The following SMARCA2 variants were observed in gnomAD, a reference collection of about 807,000 sequenced individuals.
The protein encoded by SMARCA2 is SWI/SNF related BAF chromatin remodeling complex subunit ATPase 2, also known as SWI/SNF-related matrix-associated actin-dependent regulator of chromatin subfamily A member 2.
SMARCA2 carries 61 observed loss-of-function variants against 199.8 expected under a neutral mutation model. That is an observed-to-expected ratio of 0.31 (90% CI 0.25 to 0.38). The LOEUF is 0.38. Ranked by LOEUF, SMARCA2 falls within the 10% of genes least tolerant of loss-of-function variation. The probability of loss-of-function intolerance (pLI) is 1.00; values close to 1 mark genes in which losing one functional copy is unlikely to be tolerated. For synonymous variants in SMARCA2, 935 were observed against 732.0 expected (o/e 1.28, Z -4.48); for missense variants, 1,344 against 2,012.2 (o/e 0.67, Z 6.35).
intron 3 of SMARCA2, among the ~76,000 whole-genome samples, chr9:2,034,582 C>T (rs2130214559): frequency 6.6e-6 from 1 of 152,258 alleles, no homozygotes; most frequent in East Asian, 1.9e-4. Flanking sequence ...ATGGTTTATG[C>T]GTTGCTATAT....
chr9:2,109,143 C>G (rs1748045373), intron 23 of SMARCA2, among the ~76,000 whole-genome samples: 1 of 152,116 alleles, frequency 6.6e-6, no homozygotes, highest in African/African-American at 2.4e-5. Context: ...ATGTTTTAAT[C>G]CTCTGAAATA....
rs181688602 is a variant in SMARCA2 at position 2,111,655 on chromosome 9, G to A, written c.3456+1238G>A. 1.9e-3 allele frequency among the ~76,000 whole-genome samples: 292 copies of A among 152,154 alleles called. 3 individuals carry two copies. In the South Asian group the frequency reaches 0.024, roughly 12 times the overall value. On this transcript the variant is annotated intron_variant, in intron 24 of 33. Coordinates refer to ENST00000349721, the MANE Select transcript of SMARCA2 (RefSeq NM_003070.5). ...AGACTGAGTGGCAGTGCCATATAGC[G>A]TCACTTTTGGCAGGAAATCACATTC...
In SMARCA2 at chr9:2,169,458, T is replaced by G. The variant is rs1826120241; in HGVS notation, c.4200-961T>G. 6.6e-6 allele frequency among the ~76,000 whole-genome samples: 1 copy of G among 152,162 alleles called. No homozygotes were observed. Reference sequence around the variant, plus strand: ...GCACCCCTCCCAGCTCTCCTTATATTTCAGACATTCCAAAGAATTCTGTGT... The same window carrying G: ...GCACCCCTCCCAGCTCTCCTTATATGTCAGACATTCCAAAGAATTCTGTGT... On this transcript the variant is annotated intron_variant, in intron 28 of 33. Coordinates refer to ENST00000349721, the MANE Select transcript of SMARCA2 (RefSeq NM_003070.5). This position sits in a 1 kb window ranked among gnomAD's most constrained non-coding sequence, Gnocchi z 6.5.
chr9:2,089,840 G>T (rs532032666), intron 19 of SMARCA2, among the ~76,000 whole-genome samples: 16 of 152,130 alleles, frequency 1.1e-4, no homozygotes, highest in African/African-American at 3.6e-4. Context: ...ATACAGTTAC[G>T]GTGATTCTGC....
At chr9:2,038,501 A>T (rs1819430946) in intron 3 of SMARCA2, among the ~76,000 whole-genome samples, 1 of 152,182 alleles carries the variant, frequency 6.6e-6, no homozygotes, top group Non-Finnish European at 1.5e-5. Context: ...CATTAGTCAT[A>T]ACCAGTGGCT....
chr9:2,060,798 C>T lies in SMARCA2; in HGVS notation c.1522-18C>T, dbSNP rs777964357. 3.1e-6 allele frequency: 5 copies of T among 1,611,724 alleles called. No individual in the cohort carries two copies. The highest frequency in any genetic ancestry group is 4.2e-6 in the Non-Finnish European group (5 of 1,178,342). On this transcript the variant is annotated intron_variant, in intron 8 of 33. Coordinates refer to ENST00000349721, the MANE Select transcript of SMARCA2 (RefSeq NM_003070.5). ...ACGCTTATATTATGCTCTCATCCTG[C>T]TCTTCTTTCCTTAATAGGCTGAAGA...
chr9:2,135,160 A>T (rs988877579), intron 27 of SMARCA2, among the ~76,000 whole-genome samples: 8 of 152,218 alleles, frequency 5.3e-5, no homozygotes, highest in African/African-American at 4.8e-5. Context: ...ATCCTGGATT[A>T]CGAAGACCTG....
intron 31 of SMARCA2, 109 bp downstream of exon 31, chr9:2,182,351 G>A: frequency 1.5e-6 from 1 of 685,622 alleles, no homozygotes; most frequent in Middle Eastern, 2.6e-4. Flanking sequence ...ACTGGCAGAA[G>A]AAAAATAACT....
chr9:2,119,639 A>G lies in SMARCA2; in HGVS notation c.3762+104A>G, dbSNP rs1691327997. Reference sequence around the variant, plus strand: ...GCGTGCCTGGCAGAACTTCATACGTAAAGCCTATGCCTTTCCTTCAGTTCA... The same window carrying G: ...GCGTGCCTGGCAGAACTTCATACGTGAAGCCTATGCCTTTCCTTCAGTTCA... On this transcript the variant is annotated intron_variant, in intron 26 of 33. Coordinates refer to ENST00000349721, the MANE Select transcript of SMARCA2 (RefSeq NM_003070.5). This position sits in a 1 kb window ranked among gnomAD's most constrained non-coding sequence, Gnocchi z 4.6. 1.3e-6 allele frequency: 1 copy of G among 751,326 alleles called. No individual in the cohort carries two copies. The highest frequency in any genetic ancestry group is 2.3e-6 in the Non-Finnish European group (1 of 431,352). The allele number at this position is 751,326 out of a possible 1,614,324, so 46.5% of individuals were successfully genotyped here.
rs1827439673 is a variant in SMARCA2, at chr9:2,186,197, A to T, written c.4563A>T (p.Glu1521Asp). The change falls in exon 32 of 34, where the codon GAA becomes GAT. Residue 1521 changes from glutamate to aspartate, a missense_variant. By Grantham distance (45) the Glu-to-Asp change is conservative. This residue lies in a region of SMARCA2 where 155 missense variants were observed against 121.1 expected (regional missense o/e 1.28). Transcript: ENST00000349721. ...AGGATGAAAGCAATGAAGAGGAGGA[A>T]GAGGAAGATGAAGAAGAGTCAGAGT... Reference protein sequence around the residue: ...ESEDESNEEEEEEDEEESESE... With the variant: ...ESEDESNEEEDEEDEEESESE... The T allele has an allele frequency of 6.2e-7, 1 of 1,613,936 alleles. No homozygotes were observed. The highest frequency in any genetic ancestry group is 8.5e-7 in the Non-Finnish European group (1 of 1,179,912).
At chr9:2,069,649 AC>A (rs573306583) in intron 9 of SMARCA2, among the ~76,000 whole-genome samples, 93 of 152,340 alleles carry the variant, frequency 6.1e-4, no homozygotes, top group African/African-American at 2.1e-3. Context: ...TGGTAGAAAT[AC>A]TATATGTTAT....
rs745659257 is a variant in SMARCA2 at position 2,101,557 on chromosome 9, C to A, written c.3079-13C>A. 1 of 1,416,524 alleles carries A rather than the reference C, an allele frequency of 7.1e-7. No homozygotes were observed. Among genetic ancestry groups the A allele is most frequent in the Non-Finnish European group, 9.8e-7 (1 of 1,025,256 alleles). 87.7% of individuals were successfully genotyped at this position (1,416,524 alleles called of 1,614,324 possible). On this transcript the variant is annotated splice_polypyrimidine_tract_variant and intron_variant, in intron 21 of 33. Coordinates refer to ENST00000349721, the MANE Select transcript of SMARCA2 (RefSeq NM_003070.5). ...TTTTTTAAAATCATTCTTTCTATCT[C>A]TCTCTTTTAAAGGAATCCTTTGCTG...
intron 7 of SMARCA2, 107 bp from the exon 8 acceptor site, chr9:2,058,184 A>G (rs1416940454): frequency 3.2e-6 from 3 of 932,510 alleles, no homozygotes; most frequent in Admixed American, 1.9e-5. Flanking sequence ...TAGTCTTCCT[A>G]TGCTGTTAAA....
At chr9:2,153,688 T>C (rs561114593) in intron 27 of SMARCA2, among the ~76,000 whole-genome samples, 1 of 152,246 alleles carries the variant, frequency 6.6e-6, no homozygotes, top group African/African-American at 2.4e-5. Context: ...CATGTATGAG[T>C]TTTTAATGTT....
chr9:2,069,537 C>A (rs545403643), intron 9 of SMARCA2, among the ~76,000 whole-genome samples: 1 of 147,744 alleles, frequency 6.8e-6, no homozygotes, highest in Non-Finnish European at 1.5e-5. Context: ...CCAGCCTGGG[C>A]GACAGAGCAA....
In SMARCA2 at chr9:2,170,306, AG is replaced by A; in HGVS notation, c.4200-111del. 7.7e-7 allele frequency: 1 copy of A among 1,293,144 alleles called. No individual in the cohort carries two copies. The highest frequency in any genetic ancestry group is 2.5e-5 in the East Asian group (1 of 40,392). The allele number at this position is 1,293,144 out of a possible 1,614,324, so 80.1% of individuals were successfully genotyped here. ...CCCCGTGTAATCTTCCTAACAAGGC[AG>A]GTTGGTGAGGAGACTGAGGCTTGGC... On this transcript the variant is annotated intron_variant, in intron 28 of 33. Transcript: ENST00000349721. This position sits in a 1 kb window ranked among gnomAD's most constrained non-coding sequence, Gnocchi z 4.7.
At chr9:2,050,452 A>G (rs905299993) in intron 5 of SMARCA2, among the ~76,000 whole-genome samples, 1 of 152,132 alleles carries the variant, frequency 6.6e-6, no homozygotes, top group African/African-American at 2.4e-5. Flanking sequence ...TTGGCATGTA[A>G]ACTAATTCCA....
intron 4 of SMARCA2, chr9:2,043,608 T>A (rs1020979866): frequency 6.6e-6 from 1 of 152,258 alleles, no homozygotes; most frequent in Non-Finnish European, 1.5e-5. Context: ...GTTTGTTTTT[T>A]CCAACCTGTG....
chr9:2,190,735 G>C (rs1389473329), intron 32 of SMARCA2, among the ~76,000 whole-genome samples: 1 of 151,928 alleles, frequency 6.6e-6, no homozygotes, highest in African/African-American at 2.4e-5. Context: ...AAAGAGACTA[G>C]GAATGGGGGA....
Sources: allele counts gnomAD v4.1 joint callset (sites outside exome capture counted in the v4.1 genomes callset), GRCh38; gene constraint gnomAD v4.1.1; regional missense constraint gnomAD v4.1.1; non-coding constraint Gnocchi (gnomAD v3.1); transcripts MANE v1.5; gene names NCBI Gene and HGNC (gene_info 2026-07-23, HGNC 2026-07-21).